CTDSPL: variants seen among roughly 807,000 people sequenced by gnomAD.
CTDSPL encodes the protein CTD small phosphatase-like protein.
A neutral mutation model predicts 30.5 loss-of-function variants in CTDSPL; 8 were observed. The ratio of observed to expected loss-of-function variants is 0.26; its 90% CI spans 0.15 to 0.47. CTDSPL has a LOEUF of 0.47. CTDSPL is among the 20% of genes least tolerant of loss of function. The probability of loss-of-function intolerance (pLI) is 0.99; values close to 1 mark genes in which losing one functional copy is unlikely to be tolerated. For missense variants in CTDSPL, 248 were observed against 366.1 expected (o/e 0.68, Z 2.63); for synonymous variants, 110 against 137.9 (o/e 0.80, Z 1.42).
intron 1 of CTDSPL, among the ~76,000 whole-genome samples, chr3:37,919,899 A>G (rs1460959902): frequency 1.3e-5 from 2 of 152,196 alleles, no homozygotes; most frequent in Non-Finnish European, 2.9e-5. Flanking sequence ...CTAGAAGGTC[A>G]GGAGCCCAGA....
intron 1 of CTDSPL, among the ~76,000 whole-genome samples, chr3:37,919,755 CA>C (rs1198105797): frequency 6.6e-6 from 1 of 152,184 alleles, no homozygotes; most frequent in East Asian, 1.9e-4. Context: ...TCTCCATCAG[CA>C]TCTGTTCCTG....
At chr3:37,887,210 T>C (rs146414644) in intron 1 of CTDSPL, among the ~76,000 whole-genome samples, 11 of 152,308 alleles carry the variant, frequency 7.2e-5, no homozygotes, top group Non-Finnish European at 7.3e-5. Context: ...ATATTGAGCA[T>C]AGTAGAATTC....
intron 2 of CTDSPL, among the ~76,000 whole-genome samples, chr3:37,951,163 C>G (rs1216134053): frequency 1.3e-5 from 2 of 150,956 alleles, no homozygotes; most frequent in African/African-American, 4.9e-5. Flanking sequence ...GTCAGGAGAT[C>G]GAGACCATCC....
intron 1 of CTDSPL, among the ~76,000 whole-genome samples, chr3:37,872,618 A>G (rs1181006672): frequency 8.3e-6 from 1 of 121,002 alleles, no homozygotes; most frequent in Non-Finnish European, 1.6e-5. Flanking sequence ...TCTGTTGCCC[A>G]GGCTGGAGTG....
intron 7 of CTDSPL, among the ~76,000 whole-genome samples, chr3:37,979,606 G>GA (rs886745638): frequency 3.3e-5 from 5 of 151,840 alleles, no homozygotes; most frequent in East Asian, 3.9e-4. Context: ...AAAAAGAAAA[G>GA]AAAAAAAATT....
intron 1 of CTDSPL, among the ~76,000 whole-genome samples, chr3:37,899,456 C>A (rs931795884): frequency 1.3e-5 from 2 of 152,206 alleles, no homozygotes; most frequent in African/African-American, 2.4e-5. Context: ...TGTGCAGGAG[C>A]TGCCAACTCA....
At position 37,984,326 on chromosome 3, in the gene CTDSPL, G is replaced by C; in HGVS notation, c.*3459G>C. On this transcript the variant is annotated 3_prime_UTR_variant, in exon 8 of 8. Transcript: ENST00000273179. Reference sequence around the variant, plus strand: ...GGTGTCTGGGTAGTCATGGATTTCTGCTGGACATTTGAATGTGATAAACAA... The same window carrying C: ...GGTGTCTGGGTAGTCATGGATTTCTCCTGGACATTTGAATGTGATAAACAA... 2.2e-6 allele frequency: 1 copy of C among 456,606 alleles called. No individual in the cohort carries two copies. 28.3% of individuals were successfully genotyped at this position (456,606 alleles called of 1,614,324 possible). A position where few individuals can be genotyped will look rare whatever the true frequency, so the allele number is the denominator to read the frequency against.
chr3:37,944,059 A>C (rs577605509), intron 1 of CTDSPL, among the ~76,000 whole-genome samples: 1 of 150,246 alleles, frequency 6.7e-6, no homozygotes, highest in South Asian at 2.2e-4. Flanking sequence ...GAAGCGTACG[A>C]ATTAGGCTGA....
chr3:37,929,846 G>A lies in CTDSPL; in HGVS notation c.80-17211G>A, dbSNP rs1307561444. ...TGGCAAGAGTGGCATGGTGGCTCAC[G>A]CCTGTAATCCCAGCACTTTGGGAGG... On this transcript the variant is annotated intron_variant, in intron 1 of 7. Transcript: ENST00000273179. Among the ~76,000 whole-genome samples, 5 of 152,070 alleles carry A rather than the reference G, an allele frequency of 3.3e-5. No homozygotes were observed. The East Asian group carries it at 7.7e-4, about 23-fold the overall frequency.
intron 1 of CTDSPL, among the ~76,000 whole-genome samples, chr3:37,931,718 G>T (rs534800747): frequency 6.6e-6 from 1 of 151,584 alleles, no homozygotes; most frequent in Non-Finnish European, 1.5e-5. Context: ...GAAACATTTT[G>T]TAGTAATAAT....
chr3:37,876,676 T>C (rs1698138135), intron 1 of CTDSPL, among the ~76,000 whole-genome samples: 1 of 152,202 alleles, frequency 6.6e-6, no homozygotes, highest in African/African-American at 2.4e-5. Context: ...TGCTTATTAT[T>C]GTGGGTTTTT....
At chr3:37,930,539 G>A (rs191731476) in intron 1 of CTDSPL, among the ~76,000 whole-genome samples, 165 of 152,118 alleles carry the variant, frequency 1.1e-3, no homozygotes, top group African/African-American at 3.9e-3. Flanking sequence ...CGAACTCTGG[G>A]CCTCAAGCAA....
intron 1 of CTDSPL, among the ~76,000 whole-genome samples, chr3:37,936,656 TA>T (rs577097327): frequency 0.083 from 7,864 of 94,712 alleles, 349 homozygotes; most frequent in Admixed American, 0.14. Flanking sequence ...TCTCCCCAGT[TA>T]AAAAAAAAAA....
intron 1 of CTDSPL, among the ~76,000 whole-genome samples, chr3:37,864,126 G>A (rs1219857998): frequency 6.6e-6 from 1 of 152,120 alleles, no homozygotes; most frequent in Non-Finnish European, 1.5e-5. Context: ...ACCAGCTGTG[G>A]ATTGAGTGCT....
chr3:37,967,532 C>G (rs1699311824), intron 4 of CTDSPL, among the ~76,000 whole-genome samples: 1 of 152,232 alleles, frequency 6.6e-6, no homozygotes, highest in Admixed American at 6.5e-5. Context: ...TGGGCAAGAG[C>G]TGGAGTTTTC....
At chr3:37,977,023 C>T (rs1699435758) in intron 7 of CTDSPL, among the ~76,000 whole-genome samples, 5 of 152,018 alleles carry the variant, frequency 3.3e-5, no homozygotes, top group South Asian at 2.1e-4. Context: ...TCTGCAGTCT[C>T]GCTTATAACC....
At chr3:37,941,637 G>A (rs1047502098) in intron 1 of CTDSPL, among the ~76,000 whole-genome samples, 4 of 150,052 alleles carry the variant, frequency 2.7e-5, no homozygotes, top group Non-Finnish European at 4.5e-5. Flanking sequence ...TGATCTGCCC[G>A]CCTTGGCCTC....
intron 1 of CTDSPL, among the ~76,000 whole-genome samples, chr3:37,883,478 G>A (rs77132195): frequency 8.5e-5 from 13 of 152,342 alleles, no homozygotes; most frequent in Non-Finnish European, 1.6e-4. Flanking sequence ...TCTCAGTTAT[G>A]AAGGTAGGCA....
chr3:37,980,398 G>A (rs752312599), intron 7 of CTDSPL, among the ~76,000 whole-genome samples: 8 of 152,192 alleles, frequency 5.3e-5, no homozygotes, highest in Non-Finnish European at 8.8e-5. Flanking sequence ...GCAAGGAACC[G>A]ATCTTGTGCA....
Sources: allele counts gnomAD v4.1 joint callset (sites outside exome capture counted in the v4.1 genomes callset), GRCh38; gene constraint gnomAD v4.1.1; transcripts MANE v1.5; gene names NCBI Gene and HGNC (gene_info 2026-07-23, HGNC 2026-07-21).